Variants in PRKDC observed in about 807,000 individuals in gnomAD.
PRKDC encodes the protein DNA-dependent protein kinase catalytic subunit.
Under a neutral mutation model 486.9 loss-of-function variants are expected in PRKDC, and 82 were observed. The observed-to-expected ratio is 0.17, with a 90% confidence interval of 0.14 to 0.20. PRKDC has a LOEUF of 0.20. PRKDC is among the 10% of genes least tolerant of loss of function. PRKDC has a pLI of 1.00. For missense variants in PRKDC, 4,504 were observed against 5,038.2 expected (o/e 0.89, Z 3.21); for synonymous variants, 1,895 against 1,837.0 (o/e 1.03, Z -0.81).
chr8:47,924,333 C>T (rs1173904711), intron 21 of PRKDC, among the ~76,000 whole-genome samples: 4 of 151,998 alleles, frequency 2.6e-5, no homozygotes, highest in Non-Finnish European at 5.9e-5. Flanking sequence ...CCGAGGTGGG[C>T]AGATGACTTG....
intron 25 of PRKDC, among the ~76,000 whole-genome samples, chr8:47,911,848 C>A (rs1427486801): frequency 6.6e-6 from 1 of 152,026 alleles, no homozygotes; most frequent in East Asian, 1.9e-4. Flanking sequence ...CAGAGCACTG[C>A]AATCTCCACC....
rs984130044 is a variant in PRKDC, at chr8:47,808,402, G to T, written c.9558-1076C>A. Among the ~76,000 whole-genome samples the T allele has an allele frequency of 5.3e-5, 8 of 152,244 alleles. No homozygotes were observed. In the South Asian group the frequency reaches 1.7e-3, roughly 32 times the overall value. ...CTCAAGGAATCCTTCTAAAGGCTGGGATTACAGATATGAGCCACCATGCCC... is the reference window on the plus strand; with the variant it reads ...CTCAAGGAATCCTTCTAAAGGCTGGTATTACAGATATGAGCCACCATGCCC... On this transcript the variant is annotated intron_variant, in intron 68 of 85. Coordinates refer to ENST00000314191, the MANE Select transcript of PRKDC (RefSeq NM_006904.7).
chr8:47,953,450 GA>G (rs1361406314), intron 7 of PRKDC, among the ~76,000 whole-genome samples, 169 bp downstream of exon 7: 1 of 152,224 alleles, frequency 6.6e-6, no homozygotes, highest in Non-Finnish European at 1.5e-5. Context: ...CTGTAGTTGG[GA>G]AAGATGTCAT....
chr8:47,859,362 C>G (rs1250422704), intron 46 of PRKDC, among the ~76,000 whole-genome samples: 1 of 152,140 alleles, frequency 6.6e-6, no homozygotes, highest in African/African-American at 2.4e-5. Context: ...CCCGGGAGTG[C>G]ACCTCAGGTC....
intron 69 of PRKDC, among the ~76,000 whole-genome samples, chr8:47,804,865 G>A (rs980113591): frequency 1.3e-5 from 2 of 151,892 alleles, no homozygotes; most frequent in Non-Finnish European, 2.9e-5. Context: ...AGGTTCAAGC[G>A]ATTCTCCTGC....
chr8:47,905,091 G>A (rs2089753654), intron 25 of PRKDC, 115 bp from the exon 26 acceptor site: 1 of 696,072 alleles, frequency 1.4e-6, no homozygotes, highest in South Asian at 2.1e-5. Context: ...CTACTACCAT[G>A]GTTGTATTAG....
chr8:47,830,665 G>C lies in PRKDC; in HGVS notation c.8337C>G (p.Asp2779Glu), dbSNP rs747942981. The C allele has an allele frequency of 1.9e-6, 3 of 1,613,838 alleles. No homozygotes were observed. Among genetic ancestry groups the C allele is most frequent in the Non-Finnish European group, 2.5e-6 (3 of 1,179,902 alleles). Residue 2779 changes from aspartate (D) to glutamate (E), a missense_variant, in exon 61 of 86, where the codon GAC becomes GAG. Physicochemically the swap from Asp to Glu is conservative, Grantham distance 45. Transcript: ENST00000314191. ...VVLYRSYRHG[D>E]LPDIQIKHSS... is the part of the protein sequence containing the mutation. ...TGTGCTTGATCTGAATGTCAGGAAG[G>C]TCTCCGTGCCGGTAGCTTCTGTACA... is the stretch of plus-strand genomic sequence containing the variant.
At chr8:47,807,714 G>A (rs1224711735) in intron 68 of PRKDC, among the ~76,000 whole-genome samples, 3 of 148,484 alleles carry the variant, frequency 2.0e-5, no homozygotes, top group African/African-American at 5.0e-5. Flanking sequence ...CACCGCACCC[G>A]GCCTACTTAT....
In PRKDC at chr8:47,953,607, A is replaced by C; in HGVS notation, c.721+13T>G. 6.2e-7 allele frequency: 1 copy of C among 1,603,680 alleles called. No individual in the cohort carries two copies. Among genetic ancestry groups the C allele is most frequent in the Non-Finnish European group, 8.5e-7 (1 of 1,173,026 alleles). On this transcript the variant is annotated intron_variant, in intron 7 of 85. Transcript: ENST00000314191. ...TTTTTGAATAAAGAAAATCAAGTGA[A>C]GCCAAGCAATACCTTCTTCCATGGA...
chr8:47,957,726 G>C (rs1279883050), intron 1 of PRKDC, among the ~76,000 whole-genome samples: 1 of 152,102 alleles, frequency 6.6e-6, no homozygotes, highest in East Asian at 1.9e-4. Flanking sequence ...GTGTTAGCCA[G>C]GATGGTCTCG....
chr8:47,881,523 A>T lies in PRKDC; in HGVS notation c.4963-3T>A, dbSNP rs944087245. The T allele has an allele frequency of 5.7e-6, 8 of 1,408,302 alleles. No homozygotes were observed. Among genetic ancestry groups the T allele is most frequent in the South Asian group, 4.0e-5 (3 of 75,018 alleles). 87.2% of individuals were successfully genotyped at this position (1,408,302 alleles called of 1,614,324 possible). On this transcript the variant is annotated splice_polypyrimidine_tract_variant and splice_region_variant and intron_variant, in intron 37 of 85. Coordinates refer to ENST00000314191, the MANE Select transcript of PRKDC (RefSeq NM_006904.7). ...TTAAAAGATACAGATGAATCAATCT[A>T]AAGGAAGGAAAAGAAAAACAGGACA...
chr8:47,935,184 T>G (rs1019835457), intron 13 of PRKDC, 126 bp from the exon 14 acceptor site: 2 of 701,358 alleles, frequency 2.9e-6, no homozygotes, highest in Middle Eastern at 3.8e-4. Context: ...TTTTCTAAGT[T>G]CATTCACGGC....
At chr8:47,913,831 A>G in intron 24 of PRKDC, 70 bp downstream of exon 24, 1 of 1,374,698 alleles carries the variant, frequency 7.3e-7, no homozygotes. Flanking sequence ...CATGTTCTCT[A>G]TATCCTAAGC....
chr8:47,814,648 A>T (rs1286578383), intron 68 of PRKDC, among the ~76,000 whole-genome samples: 1 of 152,188 alleles, frequency 6.6e-6, no homozygotes, highest in Non-Finnish European at 1.5e-5. Flanking sequence ...CTCCATACTG[A>T]AAAAATACAA....
intron 70 of PRKDC, among the ~76,000 whole-genome samples, chr8:47,802,212 G>C (rs1173291265): frequency 6.6e-6 from 1 of 152,144 alleles, no homozygotes. Flanking sequence ...CAGTAGCTGG[G>C]ACTATGGGTG....
chr8:47,806,179 T>G (rs1384267527), intron 69 of PRKDC, among the ~76,000 whole-genome samples: 1 of 152,232 alleles, frequency 6.6e-6, no homozygotes, highest in African/African-American at 2.4e-5. Context: ...CTCTCTTCTT[T>G]GCCCACCAGT....
intron 8 of PRKDC, 42 bp from the exon 9 acceptor site, chr8:47,943,925 C>T: frequency 6.4e-7 from 1 of 1,567,764 alleles, no homozygotes; most frequent in Non-Finnish European, 8.7e-7. Flanking sequence ...ATTTGAAAGT[C>T]TGCACTGTAA....
intron 48 of PRKDC, 81 bp from the exon 49 acceptor site, chr8:47,857,380 A>G (rs1336962700): frequency 1.4e-6 from 2 of 1,437,550 alleles, no homozygotes; most frequent in Non-Finnish European, 1.9e-6. Context: ...ATCTTCCATC[A>G]GCTAAAATTT....
chr8:47,852,985 T>C (rs980105031), intron 51 of PRKDC, among the ~76,000 whole-genome samples: 2 of 152,266 alleles, frequency 1.3e-5, no homozygotes, highest in South Asian at 2.1e-4. Context: ...CAGAAAAGCA[T>C]AGGGCAGTCT....
Sources: allele counts gnomAD v4.1 joint callset (sites outside exome capture counted in the v4.1 genomes callset), GRCh38; gene constraint gnomAD v4.1.1; transcripts MANE v1.5; gene names NCBI Gene and HGNC (gene_info 2026-07-23, HGNC 2026-07-21).